METTL15: variants seen among roughly 807,000 people sequenced by gnomAD.
METTL15 encodes methyltransferase 15, mitochondrial 12S rRNA N4-cytidine, also known as 12S rRNA N(4)-cytidine methyltransferase METTL15.
METTL15 carries 34 observed loss-of-function variants against 38.3 expected under a neutral mutation model. The observed-to-expected ratio is 0.89, with a 90% CI of 0.68 to 1.18. METTL15 has a LOEUF of 1.18. Among genes scored for constraint, METTL15 ranks in the 50% most tolerant of loss-of-function variants. METTL15 has a pLI of 0.00. For synonymous variants in METTL15, 162 were observed against 170.9 expected (o/e 0.95, Z 0.41); for missense variants, 438 against 498.4 (o/e 0.88, Z 1.15).
intron 2 of METTL15, 30 bp from the exon 3 acceptor site, chr11:28,113,288 C>T: frequency 3.1e-5 from 43 of 1,401,888 alleles, no homozygotes; most frequent in South Asian, 1.6e-4. Context: ...TAAAAAAATC[C>T]AACAATCATA....
At chr11:28,484,729 C>T (rs937071499) in intron 6 of METTL15, among the ~76,000 whole-genome samples, 1 of 152,128 alleles carries the variant, frequency 6.6e-6, no homozygotes, top group Non-Finnish European at 1.5e-5. Context: ...TCTTTTTCAC[C>T]TGCTCTTCTT....
intron 3 of METTL15, among the ~76,000 whole-genome samples, chr11:28,201,234 A>T (rs1337765926): frequency 6.6e-6 from 1 of 152,098 alleles, no homozygotes; most frequent in Non-Finnish European, 1.5e-5. Context: ...CATCCCAGGG[A>T]TGAAGCCAAC....
chr11:28,197,013 T>A (rs1851933263), intron 3 of METTL15, among the ~76,000 whole-genome samples: 1 of 151,958 alleles, frequency 6.6e-6, no homozygotes. Flanking sequence ...AAGTAATATT[T>A]ACATTTTGAA....
chr11:28,195,464 A>C (rs532994210), intron 3 of METTL15, among the ~76,000 whole-genome samples: 1 of 152,002 alleles, frequency 6.6e-6, no homozygotes, highest in East Asian at 1.9e-4. Context: ...CCTTATGATT[A>C]GTGATGTTGA....
intron 4 of METTL15, among the ~76,000 whole-genome samples, chr11:28,217,400 G>A (rs1852939543): frequency 6.6e-6 from 1 of 152,172 alleles, no homozygotes; most frequent in Non-Finnish European, 1.5e-5. Flanking sequence ...CCCACTTGTT[G>A]AAGGGGTTGT....
intron 3 of METTL15, among the ~76,000 whole-genome samples, chr11:28,349,430 T>C (rs936487040): frequency 2.6e-5 from 4 of 152,174 alleles, no homozygotes; most frequent in Admixed American, 6.5e-5. Flanking sequence ...TACTAATATA[T>C]TGTCTAAATA....
intron 3 of METTL15, among the ~76,000 whole-genome samples, chr11:28,348,379 T>A (rs1850014185): frequency 6.6e-6 from 1 of 152,202 alleles, no homozygotes; most frequent in South Asian, 2.1e-4. Flanking sequence ...TTTCTTCTTA[T>A]TATTTTAAGA....
chr11:28,351,152 G>A (rs1283542531), intron 3 of METTL15, among the ~76,000 whole-genome samples: 1 of 151,934 alleles, frequency 6.6e-6, no homozygotes, highest in Non-Finnish European at 1.5e-5. Context: ...TTGCTCTGTT[G>A]CTAGGCTGGA....
rs533257502 is a variant in METTL15 at position 28,426,661 on chromosome 11, T to C, written c.*424+2297T>C. 3.5e-3 allele frequency among the ~76,000 whole-genome samples: 529 copies of C among 151,530 alleles called. 5 individuals are homozygous for C. Among genetic ancestry groups the C allele is most frequent in the South Asian group, 0.013 (64 of 4,796 alleles). The stretch of plus-strand genomic sequence containing the variant: ...TGTGAGATGGTATCTCATTGTGGTT[T>C]TGATTTGCATTTCTCTAATGATCAG... On this transcript the variant is annotated intron_variant and NMD_transcript_variant, in intron 6 of 7. Transcript: ENST00000532947.
At chr11:28,375,334 T>C (rs375916539) in intron 5 of METTL15, among the ~76,000 whole-genome samples, 11 of 151,558 alleles carry the variant, frequency 7.3e-5, no homozygotes, top group African/African-American at 2.2e-4. Flanking sequence ...ATTATTGCCA[T>C]AATTTCAGAG....
intron 6 of METTL15, among the ~76,000 whole-genome samples, chr11:28,433,563 A>G (rs1341656562): frequency 2.6e-5 from 4 of 152,110 alleles, no homozygotes; most frequent in Non-Finnish European, 4.4e-5. Flanking sequence ...AATGAACGCA[A>G]ATTTCTTAGT....
intron 5 of METTL15, among the ~76,000 whole-genome samples, chr11:28,371,953 C>G (rs1171453685): frequency 6.6e-6 from 1 of 151,924 alleles, no homozygotes; most frequent in Non-Finnish European, 1.5e-5. Flanking sequence ...ATTGAACTTC[C>G]TCTTTTTCTA....
chr11:28,388,838 C>A (rs1320637921), intron 5 of METTL15, among the ~76,000 whole-genome samples: 1 of 152,000 alleles, frequency 6.6e-6, no homozygotes, highest in Non-Finnish European at 1.5e-5. Context: ...CCCCTACACC[C>A]ACCCCACAAC....
rs143476568 is a variant in METTL15, at chr11:28,511,657, G to A, written c.*425-14821G>A. On this transcript the variant is annotated intron_variant and NMD_transcript_variant, in intron 6 of 7. Transcript: ENST00000532947. ...TAAGGCAGCGCCTCTGGAGTTGTTC[G>A]TTCCTCCTGGTGGGTTCATGGTCTC... Among the ~76,000 whole-genome samples the A allele has an allele frequency of 8.3e-3, 1,259 of 152,188 alleles. 23 individuals are homozygous for A. The highest frequency in any genetic ancestry group is 0.028 in the African/African-American group (1,142 of 41,518).
chr11:28,405,230 T>G (rs1850663970), intron 5 of METTL15, among the ~76,000 whole-genome samples: 1 of 152,134 alleles, frequency 6.6e-6, no homozygotes, highest in African/African-American at 2.4e-5. Context: ...ATGATGAGAT[T>G]AAGTTCACAG....
intron 3 of METTL15, among the ~76,000 whole-genome samples, chr11:28,117,233 GTA>G (rs201209485): frequency 1.1e-3 from 42 of 39,272 alleles, no homozygotes; most frequent in East Asian, 2.8e-3. Flanking sequence ...ACCTATATAT[GTA>G]TGTGTGTGTG....
chr11:28,445,263 G>T (rs1016339105), intron 6 of METTL15, among the ~76,000 whole-genome samples: 1 of 152,138 alleles, frequency 6.6e-6, no homozygotes, highest in Non-Finnish European at 1.5e-5. Flanking sequence ...TGTAAGAATA[G>T]TGCAAAGAAC....
intron 6 of METTL15, among the ~76,000 whole-genome samples, chr11:28,512,705 G>A (rs535863059): frequency 4.6e-5 from 7 of 152,244 alleles, no homozygotes; most frequent in East Asian, 1.9e-4. Flanking sequence ...GTTCCCTCTC[G>A]CGCCTCTCCC....
At chr11:28,404,538 T>G (rs931221356) in intron 5 of METTL15, among the ~76,000 whole-genome samples, 1 of 152,038 alleles carries the variant, frequency 6.6e-6, no homozygotes, top group Non-Finnish European at 1.5e-5. Context: ...ATCCCATTCA[T>G]TAGGGTGGAG....
Sources: gnomAD v4.1 joint callset for allele counts (sites outside exome capture counted in the v4.1 genomes callset) on GRCh38, gnomAD v4.1.1 for gene constraint, MANE v1.5 for transcripts, NCBI Gene and HGNC (gene_info 2026-07-23, HGNC 2026-07-21) for gene names.